ADGRF1: variants seen among roughly 807,000 people sequenced by gnomAD.
ADGRF1 encodes adhesion G protein-coupled receptor F1.
A neutral mutation model predicts 87.2 loss-of-function variants in ADGRF1; 85 were observed. That is an observed-to-expected ratio of 0.97 (90% confidence interval 0.82 to 1.17). The LOEUF is 1.17. ADGRF1 is among the 50% of genes most tolerant of loss of function. The pLI is 0.00. For missense variants in ADGRF1, 1,169 were observed against 1,077.2 expected (o/e 1.09, Z -1.19); for synonymous variants, 430 against 408.8 (o/e 1.05, Z -0.63).
In ADGRF1 at chr6:47,020,030, T is replaced by G. The variant is rs1779997148; in HGVS notation, c.611+701A>C. 4.0e-6 allele frequency: 4 copies of G among 992,686 alleles called. No homozygotes were observed. In the African/African-American group the frequency reaches 5.2e-5, roughly 13 times the overall value. The allele number at this position is 992,686 out of a possible 1,614,324, so 61.5% of individuals were successfully genotyped here. Reference sequence around the variant, plus strand: ...TATGAGGCATCATATCTCCTGTAGTTGCTGAAGGAGAAAATCCACCCTTCG... The same window carrying G: ...TATGAGGCATCATATCTCCTGTAGTGGCTGAAGGAGAAAATCCACCCTTCG... On this transcript the variant is annotated intron_variant, in intron 7 of 14. Transcript: ENST00000371253.
chr6:47,020,542 T>A, intron 7 of ADGRF1, 189 bp downstream of exon 7: 1 of 1,506,226 alleles, frequency 6.6e-7, no homozygotes, highest in Non-Finnish European at 8.8e-7. Context: ...CTCATTTAAG[T>A]GAGAATCTAG....
intron 1 of ADGRF1, among the ~76,000 whole-genome samples, chr6:47,031,353 C>G (rs1010154849): frequency 5.6e-3 from 333 of 59,692 alleles, no homozygotes; most frequent in African/African-American, 0.033. Flanking sequence ...CTCTCTCTGT[C>G]TCTCTCTCTC....
rs995621193 is a variant in ADGRF1, at chr6:47,012,161, G to A, written c.962C>T (p.Ala321Val). 6.2e-7 allele frequency: 1 copy of A among 1,613,790 alleles called. No individual in the cohort carries two copies. The highest frequency in any genetic ancestry group is 8.5e-7 in the Non-Finnish European group (1 of 1,179,700). ...FSMIVGNATE[A>V]AVSSFVQNLS... ...ATTTTGCACGAAGGATGACACAGCT[G>A]CCTCAGTGGCATTGCCTACAATCAT... The change falls in exon 10 of 15, where the codon GCA (alanine) becomes GTA (valine). Residue 321 changes from alanine to valine, a missense_variant. Ala to Val is a moderately conservative substitution (Grantham distance 64). Transcript: ENST00000371253.
At chr6:47,018,343 A>G (rs781694780) in intron 7 of ADGRF1, 34 of 1,226,070 alleles carry the variant, frequency 2.8e-5, no homozygotes, top group South Asian at 1.9e-4. Flanking sequence ...CTGAGGCCCA[A>G]TGAGAAGTTG....
chr6:47,040,659 C>T (rs1183960408), intron 1 of ADGRF1, among the ~76,000 whole-genome samples: 2 of 152,176 alleles, frequency 1.3e-5, no homozygotes, highest in Non-Finnish European at 2.9e-5. Context: ...CCTTGTGACG[C>T]ACACCCCACC....
In ADGRF1 at chr6:47,029,415, G is replaced by A. The variant is rs374102071; in HGVS notation, c.-43-311C>T. Among the ~76,000 whole-genome samples the A allele has an allele frequency of 2.2e-3, 338 of 151,530 alleles. 6 individuals are homozygous for A. The South Asian group carries it at 0.024, about 11-fold the overall frequency. ...TTGCAATTAGGTGCATTTAACATCAGTCTTTTATATTTCACTGAGGTTTCC... is the reference window on the plus strand; with the variant it reads ...TTGCAATTAGGTGCATTTAACATCAATCTTTTATATTTCACTGAGGTTTCC... On this transcript the variant is annotated intron_variant, in intron 1 of 14. Coordinates refer to ENST00000371253, the MANE Select transcript of ADGRF1 (RefSeq NM_153840.4).
chr6:47,017,368 G>A (rs538348407), intron 7 of ADGRF1: 1 of 152,346 alleles, frequency 6.6e-6, no homozygotes, highest in African/African-American at 2.4e-5. Context: ...AGGCTGCTGT[G>A]TAGAAAACAG....
At chr6:47,027,886 G>A (rs1458377819) in intron 2 of ADGRF1, 125 bp from the exon 3 acceptor site, 3 of 701,012 alleles carry the variant, frequency 4.3e-6, no homozygotes. Context: ...TGGTGGAGAG[G>A]CGGCCAGGGA....
intron 3 of ADGRF1, among the ~76,000 whole-genome samples, chr6:47,027,487 A>G (rs1052341052): frequency 6.6e-6 from 1 of 152,232 alleles, no homozygotes; most frequent in Admixed American, 6.5e-5. Flanking sequence ...GTGAACAGCT[A>G]CTTGCCAGGT....
At chr6:47,031,345 CTCTCTG>C (rs1246564311) in intron 1 of ADGRF1, among the ~76,000 whole-genome samples, 9 of 129,776 alleles carry the variant, frequency 6.9e-5, no homozygotes, top group African/African-American at 2.7e-4. Flanking sequence ...CTCTCTCTCT[CTCTCTG>C]TCTCTCTCTC....
At chr6:47,038,468 CAAAT>C (rs1032758771) in intron 1 of ADGRF1, among the ~76,000 whole-genome samples, 2 of 152,026 alleles carry the variant, frequency 1.3e-5, no homozygotes, top group Non-Finnish European at 2.9e-5. Flanking sequence ...TTTTAATTGA[CAAAT>C]AATAATTGTA....
chr6:47,022,256 T>C (rs1169796817), intron 5 of ADGRF1, among the ~76,000 whole-genome samples, 198 bp from the exon 6 acceptor site: 1 of 152,210 alleles, frequency 6.6e-6, no homozygotes, highest in Non-Finnish European at 1.5e-5. Context: ...TTTGGAGCAG[T>C]AATAGGGAAG....
chr6:47,031,351 G>GTCTCTCTCTCTCTCTC (rs374462680), intron 1 of ADGRF1, among the ~76,000 whole-genome samples: 50 of 110,772 alleles, frequency 4.5e-4, no homozygotes, highest in African/African-American at 1.3e-3. Flanking sequence ...CTCTCTCTCT[G>GTCTCTCTCTCTCTCTC]TCTCTCTCTC....
chr6:47,024,367 T>A, intron 4 of ADGRF1, 150 bp from the exon 5 acceptor site: 2 of 612,950 alleles, frequency 3.3e-6, no homozygotes, highest in South Asian at 2.2e-5. Flanking sequence ...TAGGCTAGAA[T>A]ACAGTGGCAT....
At chr6:47,036,355 A>G (rs114074958) in intron 1 of ADGRF1, among the ~76,000 whole-genome samples, 5,638 of 152,326 alleles carry the variant, frequency 0.037, 153 homozygotes, top group Middle Eastern at 0.078. Flanking sequence ...CAATATACCC[A>G]TATAACAAAA....
At chr6:47,040,296 C>A (rs1234759788) in intron 1 of ADGRF1, among the ~76,000 whole-genome samples, 1 of 151,968 alleles carries the variant, frequency 6.6e-6, no homozygotes, top group Non-Finnish European at 1.5e-5. Context: ...CACAATGAAA[C>A]CCTGTCTCTA....
chr6:47,035,854 G>C (rs1030920748), intron 1 of ADGRF1, among the ~76,000 whole-genome samples: 1 of 152,134 alleles, frequency 6.6e-6, no homozygotes, highest in Non-Finnish European at 1.5e-5. Context: ...TAAGCACTGG[G>C]TACACATGAA....
rs776701121 is a variant in ADGRF1, at chr6:47,012,002, C to T, written c.1116+5G>A. On this transcript the variant is annotated splice_donor_5th_base_variant and intron_variant, in intron 10 of 14. Coordinates refer to ENST00000371253, the MANE Select transcript of ADGRF1 (RefSeq NM_153840.4). ...GTGAGCCCTTCAAGCACAGGCAGAC[C>T]ATACCTCCATTGTTGAATTGGACAC... The T allele has an allele frequency of 1.9e-6, 3 of 1,611,642 alleles. No homozygotes were observed. The East Asian group carries it at 6.7e-5, about 36-fold the overall frequency.
intron 9 of ADGRF1, chr6:47,012,793 G>A (rs1779748974): frequency 3.0e-6 from 3 of 983,936 alleles, no homozygotes; most frequent in Non-Finnish European, 3.6e-6. Context: ...TTTTCGAGAT[G>A]GAGTCTTGCT....
Sources: allele counts gnomAD v4.1 joint callset (sites outside exome capture counted in the v4.1 genomes callset), GRCh38; gene constraint gnomAD v4.1.1; transcripts MANE v1.5; gene names NCBI Gene and HGNC (gene_info 2026-07-23, HGNC 2026-07-21).